Variants in OSBPL1A observed in about 807,000 individuals in gnomAD.
OSBPL1A encodes the protein oxysterol-binding protein-related protein 1.
OSBPL1A carries 80 observed loss-of-function variants against 137.1 expected under a neutral mutation model. The observed-to-expected ratio is 0.58, with a 90% CI of 0.49 to 0.70. The LOEUF (loss-of-function observed/expected upper bound fraction) is 0.70, where lower values mean the gene tolerates loss of function less well. OSBPL1A is among the 30% of genes least tolerant of loss of function. OSBPL1A has a pLI of 0.00. For synonymous variants in OSBPL1A, 365 were observed against 389.7 expected, an observed-to-expected ratio of 0.94 and a Z score of 0.75; for missense variants, 970 against 1,129.4, an observed-to-expected ratio of 0.86 and a Z score of 2.02.
intron 15 of OSBPL1A, among the ~76,000 whole-genome samples, chr18:24,267,768 A>G (rs2089616279): frequency 6.6e-6 from 1 of 152,166 alleles, no homozygotes; most frequent in African/African-American, 2.4e-5. Context: ...ATATGAAAGG[A>G]AACTCTTTAA....
intron 24 of OSBPL1A, among the ~76,000 whole-genome samples, chr18:24,169,592 T>TCTCG (rs2086226299): frequency 6.6e-6 from 1 of 152,200 alleles, no homozygotes; most frequent in Admixed American, 6.6e-5. Context: ...AGATGAGAAA[T>TCTCG]CTCGGCTTGT....
chr18:24,394,223 T>C (rs572836807), intron 1 of OSBPL1A, among the ~76,000 whole-genome samples: 43 of 152,324 alleles, frequency 2.8e-4, no homozygotes, highest in African/African-American at 1.0e-3. Flanking sequence ...CTCTTATTCA[T>C]ATCCATTCCA....
intron 4 of OSBPL1A, among the ~76,000 whole-genome samples, chr18:24,342,586 G>A (rs1340444900): frequency 5.9e-5 from 9 of 151,968 alleles, no homozygotes; most frequent in Non-Finnish European, 1.3e-4. Flanking sequence ...TCTTTCCTTT[G>A]GGCCATGACG....
At chr18:24,302,223 G>C (rs1258298100) in intron 14 of OSBPL1A, among the ~76,000 whole-genome samples, 3 of 116,986 alleles carry the variant, frequency 2.6e-5, no homozygotes, top group African/African-American at 7.1e-5. Context: ...GGCAGAACAA[G>C]ACTCCATCTC....
chr18:24,276,440 T>C (rs2089847680), intron 15 of OSBPL1A, among the ~76,000 whole-genome samples: 1 of 152,194 alleles, frequency 6.6e-6, no homozygotes. Flanking sequence ...AGCAGTTTTT[T>C]TGTTTGTTTT....
intron 20 of OSBPL1A, chr18:24,179,039 G>A (rs919740529): frequency 2.6e-5 from 4 of 152,152 alleles, no homozygotes; most frequent in Admixed American, 6.5e-5. Flanking sequence ...ATTTTTATAA[G>A]AGGGCCTCAC....
chr18:24,385,698 G>A (rs879905964), intron 1 of OSBPL1A, among the ~76,000 whole-genome samples: 28 of 152,190 alleles, frequency 1.8e-4, no homozygotes, highest in Admixed American at 4.6e-4. Context: ...GAAGGCCACT[G>A]ACGAGCTCCA....
In OSBPL1A at chr18:24,319,211, C is replaced by G. The variant is rs76813105; in HGVS notation, c.626-402G>C. Among the ~76,000 whole-genome samples the G allele has an allele frequency of 5.4e-3, 821 of 152,304 alleles. 6 individuals carry two copies. The highest frequency in any genetic ancestry group is 0.033 in the East Asian group (172 of 5,184). On this transcript the variant is annotated intron_variant, in intron 7 of 27. Coordinates refer to ENST00000319481, the MANE Select transcript of OSBPL1A (RefSeq NM_080597.4). ...TGCCTTTTCCACTTCTAGCGGCCAA[C>G]TACCTGACTTGACATGGGGTCTCTT...
At chr18:24,243,395 T>C (rs1468458050) in intron 15 of OSBPL1A, among the ~76,000 whole-genome samples, 1 of 152,222 alleles carries the variant, frequency 6.6e-6, no homozygotes, top group African/African-American at 2.4e-5. Context: ...TTCCCCTTTT[T>C]AGCTTTTCCA....
At chr18:24,358,422 T>G in intron 4 of OSBPL1A, 1 of 701,106 alleles carries the variant, frequency 1.4e-6, no homozygotes, top group East Asian at 2.7e-5. Flanking sequence ...TGTCCACTTC[T>G]TCCCCACCCT....
chr18:24,251,135 C>T (rs2089077931), intron 15 of OSBPL1A, among the ~76,000 whole-genome samples: 1 of 152,148 alleles, frequency 6.6e-6, no homozygotes, highest in Non-Finnish European at 1.5e-5. Context: ...GATTCCAATC[C>T]CTGACTCCCA....
intron 14 of OSBPL1A, among the ~76,000 whole-genome samples, chr18:24,287,772 A>AAAAATAAATTAAAATAAAATAAAAT: frequency 7.3e-6 from 1 of 136,174 alleles, no homozygotes. Context: ...ACTCTGTCTC[A>AAAAATAAATTAAAATAAAATAAAAT]AAAATAAAAT....
chr18:24,246,200 G>A (rs1425701833), intron 15 of OSBPL1A, among the ~76,000 whole-genome samples: 4 of 151,760 alleles, frequency 2.6e-5, no homozygotes, highest in African/African-American at 4.8e-5. Flanking sequence ...CAACAAGAGC[G>A]AAACCCCGTC....
At chr18:24,395,059 AT>A (rs1189882834) in intron 1 of OSBPL1A, among the ~76,000 whole-genome samples, 11 of 152,350 alleles carry the variant, frequency 7.2e-5, no homozygotes, top group African/African-American at 2.2e-4. Context: ...ACAATCATAA[AT>A]ATACATACAC....
At chr18:24,375,153 A>T (rs775232469) in intron 2 of OSBPL1A, among the ~76,000 whole-genome samples, 2 of 151,962 alleles carry the variant, frequency 1.3e-5, no homozygotes, top group African/African-American at 4.8e-5. Flanking sequence ...CGTTTCTACA[A>T]GAAATACAAA....
At chr18:24,387,346 T>A (rs951607230) in intron 1 of OSBPL1A, among the ~76,000 whole-genome samples, 1 of 152,106 alleles carries the variant, frequency 6.6e-6, no homozygotes, top group Non-Finnish European at 1.5e-5. Flanking sequence ...TGAGCCACCA[T>A]GCCCAGCCCA....
chr18:24,220,008 C>A (rs940368329), intron 17 of OSBPL1A, among the ~76,000 whole-genome samples: 2 of 152,238 alleles, frequency 1.3e-5, no homozygotes, highest in Admixed American at 1.3e-4. Context: ...CACTCCCTCT[C>A]ATTTATTATG....
At chr18:24,182,387 A>G (rs144809146) in intron 18 of OSBPL1A, among the ~76,000 whole-genome samples, 171 of 152,332 alleles carry the variant, frequency 1.1e-3, no homozygotes, top group Non-Finnish European at 2.2e-3. Flanking sequence ...TATTCTGACA[A>G]TCTTCCCAAA....
At chr18:24,294,292 C>T (rs980195072) in intron 14 of OSBPL1A, among the ~76,000 whole-genome samples, 7 of 151,422 alleles carry the variant, frequency 4.6e-5, no homozygotes, top group African/African-American at 7.3e-5. Context: ...AGTGCAGTGG[C>T]GCGATCTCGG....
Sources: allele counts gnomAD v4.1 joint callset (sites outside exome capture counted in the v4.1 genomes callset), GRCh38; gene constraint gnomAD v4.1.1; transcripts MANE v1.5; gene names NCBI Gene and HGNC (gene_info 2026-07-23, HGNC 2026-07-21).